TPO: variants seen among roughly 807,000 people sequenced by gnomAD.
TPO encodes thyroid microsomal antigen.
TPO carries 78 observed loss-of-function variants against 96.9 expected under a neutral mutation model. That is an observed-to-expected ratio of 0.81 (90% confidence interval 0.67 to 0.97). TPO has a LOEUF of 0.97. Ranked by LOEUF, TPO falls within the 50% of genes least tolerant of loss-of-function variation. The probability of loss-of-function intolerance (pLI) is 0.00; values close to 1 mark genes in which losing one functional copy is unlikely to be tolerated. For missense variants in TPO, 1,252 were observed against 1,274.8 expected, an observed-to-expected ratio of 0.98 and a Z score of 0.27; for synonymous variants, 547 against 538.0, an observed-to-expected ratio of 1.02 and a Z score of -0.23.
At position 1,488,902 on chromosome 2, in the gene TPO, G is replaced by A. The variant is rs13409826; in HGVS notation, c.1768+911G>A. Among the ~76,000 whole-genome samples, 265 of 152,316 alleles carry A rather than the reference G, an allele frequency of 1.7e-3. 1 individual carries two copies. Among genetic ancestry groups the A allele is most frequent in the Non-Finnish European group, 3.3e-3 (222 of 68,028 alleles). ...TATCTGGGGACTAAATGTGAGTTGG[G>A]AGGATGCAGAAGGGGCCCCTATGTG... On this transcript the variant is annotated intron_variant, in intron 10 of 16. Coordinates refer to ENST00000329066, the MANE Select transcript of TPO (RefSeq NM_001206744.2).
At chr2:1,392,464 A>T (rs1026248742) in intron 1 of TPO, among the ~76,000 whole-genome samples, 3 of 152,164 alleles carry the variant, frequency 2.0e-5, no homozygotes, top group Non-Finnish European at 2.9e-5. Context: ...TCTAAAATTC[A>T]CTTTTTTTGT....
chr2:1,508,532 G>T (rs1673726067), intron 14 of TPO, among the ~76,000 whole-genome samples: 2 of 152,090 alleles, frequency 1.3e-5, no homozygotes, highest in South Asian at 4.2e-4. Context: ...TTTTTGGTTG[G>T]TAAGCTATTG....
chr2:1,470,349 C>T (rs960787591), intron 7 of TPO, among the ~76,000 whole-genome samples: 7 of 151,926 alleles, frequency 4.6e-5, no homozygotes, highest in Non-Finnish European at 7.4e-5. Context: ...GTTTCAAAGG[C>T]GAAAAAGGTG....
chr2:1,483,509 C>T (rs753077909), intron 8 of TPO, among the ~76,000 whole-genome samples: 4 of 152,196 alleles, frequency 2.6e-5, no homozygotes, highest in Non-Finnish European at 5.9e-5. Context: ...GACCTTCTCA[C>T]GCGGTTAGGA....
Position 1,540,594 on chromosome 2 carries a change from G to A in TPO, c.2619G>A (p.Trp873Ter), listed in dbSNP as rs140731896. ...ATAACTGGACACGTGTCTCCCACAGGACACGCACTGGCACTAAATCCACAC... is the reference window on the plus strand; with the variant it reads ...ATAACTGGACACGTGTCTCCCACAGAACACGCACTGGCACTAAATCCACAC... ...AGLTSTVICRWTRTGTKSTLP... is the reference protein window; with the variant it reads ...AGLTSTVICR The change falls in exon 16 of 17, where the codon TGG (tryptophan) becomes TGA (stop). Residue 873 changes from tryptophan to a stop codon, truncating the protein, a stop_gained and splice_region_variant. Coordinates refer to ENST00000329066, the MANE Select transcript of TPO (RefSeq NM_001206744.2). LOFTEE classifies it high-confidence loss of function. 1.2e-5 allele frequency: 20 copies of A among 1,613,138 alleles called. No individual in the cohort carries two copies. Among genetic ancestry groups the A allele is most frequent in the Non-Finnish European group, 1.6e-5 (19 of 1,180,028 alleles).
chr2:1,401,986 C>T (rs1047084812), intron 1 of TPO, among the ~76,000 whole-genome samples: 4 of 152,302 alleles, frequency 2.6e-5, no homozygotes, highest in East Asian at 1.9e-4. Flanking sequence ...GCCAGACCCA[C>T]GCAGGCTGTG....
chr2:1,464,610 G>A (rs1003060396), intron 7 of TPO, among the ~76,000 whole-genome samples: 5 of 152,076 alleles, frequency 3.3e-5, no homozygotes, highest in African/African-American at 7.2e-5. Flanking sequence ...CCAGAGTAAG[G>A]TGCTAATGTG....
At position 1,423,098 on chromosome 2, in the gene TPO, G is replaced by C; in HGVS notation, c.148G>C (p.Val50Leu). ...CGTCTTGGAGGAAAGCAAGCGCCTG[G>C]TGGACACCGCCATGTACGCCACGAT... ...SSVLEESKRL[V>L]DTAMYATMQR... Residue 50 changes from valine to leucine, a missense_variant, in exon 3 of 17, where the codon GTG becomes CTG. Coordinates refer to ENST00000329066, the MANE Select transcript of TPO (RefSeq NM_001206744.2). 6.2e-7 allele frequency: 1 copy of C among 1,614,120 alleles called. No individual in the cohort carries two copies. The highest frequency in any genetic ancestry group is 1.3e-5 in the African/African-American group (1 of 75,064).
At chr2:1,407,056 T>G (rs1662259148) in intron 1 of TPO, among the ~76,000 whole-genome samples, 1 of 152,098 alleles carries the variant, frequency 6.6e-6, no homozygotes, top group Non-Finnish European at 1.5e-5. Flanking sequence ...AGGTGAGCAA[T>G]GTAAGTATTG....
At chr2:1,441,178 G>A (rs1410360353) in intron 5 of TPO, among the ~76,000 whole-genome samples, 1 of 152,142 alleles carries the variant, frequency 6.6e-6, no homozygotes, top group Non-Finnish European at 1.5e-5. Flanking sequence ...TACGTTGGAA[G>A]GGAATAGGGC....
intron 13 of TPO, among the ~76,000 whole-genome samples, chr2:1,499,766 T>C (rs1672694372): frequency 6.6e-6 from 1 of 152,224 alleles, no homozygotes; most frequent in Non-Finnish European, 1.5e-5. Context: ...CTTCTCTCTC[T>C]AGTTCACTAA....
intron 1 of TPO, among the ~76,000 whole-genome samples, chr2:1,396,567 A>G (rs1249987151): frequency 6.6e-6 from 1 of 152,190 alleles, no homozygotes; most frequent in Non-Finnish European, 1.5e-5. Flanking sequence ...AGGTGTGGTT[A>G]TGTTCTGGCA....
intron 13 of TPO, among the ~76,000 whole-genome samples, chr2:1,497,599 G>GT (rs1413543887): frequency 1.3e-5 from 2 of 152,180 alleles, no homozygotes; most frequent in East Asian, 3.9e-4. Context: ...TCATGGGACA[G>GT]TGGCGTCAGG....
chr2:1,420,017 A>C (rs1412573323), intron 2 of TPO, among the ~76,000 whole-genome samples: 1 of 152,246 alleles, frequency 6.6e-6, no homozygotes, highest in South Asian at 2.1e-4. Flanking sequence ...CACCGGTTCC[A>C]GTAGAGACTT....
intron 13 of TPO, among the ~76,000 whole-genome samples, chr2:1,497,021 A>C (rs1266925913): frequency 2.6e-5 from 4 of 152,038 alleles, no homozygotes; most frequent in Non-Finnish European, 5.9e-5. Flanking sequence ...GGGAAGAGAG[A>C]GGGGAGTCCG....
upstream of TPO, among the ~76,000 whole-genome samples, chr2:1,410,558 A>T: frequency 6.6e-6 from 1 of 152,192 alleles, no homozygotes; most frequent in East Asian, 1.9e-4. Flanking sequence ...AAAATGTGTG[A>T]TTTGCTGTTT....
At chr2:1,462,517 A>AACACACACAC (rs35553172) in intron 7 of TPO, among the ~76,000 whole-genome samples, 1 of 131,586 alleles carries the variant, frequency 7.6e-6, no homozygotes, top group African/African-American at 3.3e-5. Context: ...TGTGTAGGTA[A>AACACACACAC]ACACACACAC....
At chr2:1,397,014 TC>T (rs137906264) in intron 1 of TPO, among the ~76,000 whole-genome samples, 6,056 of 152,266 alleles carry the variant, frequency 0.04, 254 homozygotes, top group South Asian at 0.1. Flanking sequence ...AGACTTGCTA[TC>T]CGTTCCAGAC....
exon 1 of TPO, chr2:1,374,346 C>T (rs1437913377): frequency 6.6e-6 from 1 of 152,266 alleles, no homozygotes; most frequent in Non-Finnish European, 1.5e-5. Flanking sequence ...GGGCCCTTCA[C>T]TCAGAAAGGG....
Sources: allele counts gnomAD v4.1 joint callset (sites outside exome capture counted in the v4.1 genomes callset), GRCh38; gene constraint gnomAD v4.1.1; transcripts MANE v1.5; gene names NCBI Gene and HGNC (gene_info 2026-07-23, HGNC 2026-07-21).